Variants in PCLAF observed in about 807,000 individuals in gnomAD.
The protein encoded by PCLAF is PCNA-associated factor.
A neutral mutation model predicts 15.1 loss-of-function variants in PCLAF; 12 were observed. The ratio of observed to expected loss-of-function variants is 0.79; its 90% CI spans 0.51 to 1.29. The LOEUF (loss-of-function observed/expected upper bound fraction) is 1.29, where lower values mean the gene tolerates loss of function less well. Ranked by LOEUF, PCLAF falls within the 50% of genes most tolerant of loss-of-function variation. The pLI is 0.00. For synonymous variants in PCLAF, 33 were observed against 47.1 expected (o/e 0.70, Z 1.22); for missense variants, 116 against 130.9 (o/e 0.89, Z 0.56).
At chr15:64,367,809 A>G (rs1899110057) in intron 3 of PCLAF, among the ~76,000 whole-genome samples, 1 of 151,652 alleles carries the variant, frequency 6.6e-6, no homozygotes, top group Non-Finnish European at 1.5e-5. Flanking sequence ...TGGCCTCTCA[A>G]AGTACTGGGA....
In PCLAF at chr15:64,372,057, T is replaced by A. The variant is rs144136333; in HGVS notation, c.290+4686A>T. Among the ~76,000 whole-genome samples the A allele has an allele frequency of 4.8e-3, 714 of 148,670 alleles. 6 individuals are homozygous for A. Among genetic ancestry groups the A allele is most frequent in the African/African-American group, 0.016 (665 of 40,554 alleles). On this transcript the variant is annotated intron_variant, in intron 3 of 3. Coordinates refer to ENST00000300035, the MANE Select transcript of PCLAF (RefSeq NM_014736.6). The stretch of plus-strand genomic sequence containing the variant: ...AACCCACCTCCTGCACACAAAAAAA[T>A]CAGTTTTTAAGTTGTGAAAATTATT...
At chr15:64,373,702 T>C in intron 3 of PCLAF, 7 of 1,535,440 alleles carry the variant, frequency 4.6e-6, no homozygotes, top group Non-Finnish European at 5.2e-6. Context: ...CCTTACCCAT[T>C]TGGATCAGTG....
intron 1 of PCLAF, 112 bp downstream of exon 1, chr15:64,381,214 A>T: frequency 7.4e-7 from 1 of 1,355,360 alleles, no homozygotes; most frequent in Non-Finnish European, 1.1e-6. Flanking sequence ...CTCCCTGGCT[A>T]GCTAGATGAG....
chr15:64,380,839 A>T (rs528873475), intron 2 of PCLAF, 119 bp downstream of exon 2: 5 of 801,716 alleles, frequency 6.2e-6, no homozygotes, highest in East Asian at 5.3e-5. Context: ...CTCTCTTATT[A>T]TATCACAGGG....
upstream of PCLAF, among the ~76,000 whole-genome samples, chr15:64,386,287 C>A (rs1899934420): frequency 6.6e-6 from 1 of 151,328 alleles, no homozygotes; most frequent in African/African-American, 2.4e-5. Flanking sequence ...ATATCTACGA[C>A]AATCTAAATG....
intron 3 of PCLAF, chr15:64,373,638 C>T (rs1462532316): frequency 2.4e-5 from 37 of 1,518,346 alleles, no homozygotes; most frequent in East Asian, 1.2e-4. Context: ...GAAACCTGCA[C>T]GGGTAGGAGC....
At chr15:64,379,954 C>CAAA (rs66529552) in intron 2 of PCLAF, among the ~76,000 whole-genome samples, 1 of 151,604 alleles carries the variant, frequency 6.6e-6, no homozygotes, top group Non-Finnish European at 1.5e-5. Flanking sequence ...CAAACAAAAA[C>CAAA]AAAAACATTT....
In PCLAF at chr15:64,376,917, A is replaced by G; in HGVS notation, c.128-12T>C. On this transcript the variant is annotated splice_polypyrimidine_tract_variant and intron_variant, in intron 2 of 3. Coordinates refer to ENST00000300035, the MANE Select transcript of PCLAF (RefSeq NM_014736.6). ...ATATTTATTTTCAGCTGTAAAATAT[A>G]AACAGATGGAACTAGATAAGTGCTA... 1 of 1,610,758 alleles carries G rather than the reference A, an allele frequency of 6.2e-7. No homozygotes were observed. The highest frequency in any genetic ancestry group is 8.5e-7 in the Non-Finnish European group (1 of 1,177,834).
chr15:64,368,452 G>C (rs537038661), intron 3 of PCLAF, among the ~76,000 whole-genome samples: 1 of 152,160 alleles, frequency 6.6e-6, no homozygotes, highest in African/African-American at 2.4e-5. Context: ...CTTTGTGCAA[G>C]CGCCTGATTT....
chr15:64,373,357 T>C (rs925917983), intron 3 of PCLAF: 4 of 212,232 alleles, frequency 1.9e-5, no homozygotes, highest in East Asian at 1.0e-4. Flanking sequence ...CTCTCAAGCG[T>C]TTCTCTGTTA....
At chr15:64,386,115 T>C (rs1899930251), upstream of PCLAF, among the ~76,000 whole-genome samples, 1 of 152,088 alleles carries the variant, frequency 6.6e-6, no homozygotes, top group Non-Finnish European at 1.5e-5. Flanking sequence ...ACTGAATAAA[T>C]AAACAGGTAA....
chr15:64,382,057 C>T (rs1663119646), upstream of PCLAF, among the ~76,000 whole-genome samples: 1 of 152,048 alleles, frequency 6.6e-6, no homozygotes, highest in African/African-American at 2.4e-5. Context: ...ACTAATAAAA[C>T]GTCTTCTTGA....
upstream of PCLAF, among the ~76,000 whole-genome samples, chr15:64,383,363 G>T (rs192396032): frequency 1.2e-3 from 173 of 149,448 alleles, no homozygotes; most frequent in East Asian, 9.2e-3. Context: ...TGGTTTTTTT[G>T]TGTGTGTGTT....
intron 3 of PCLAF, among the ~76,000 whole-genome samples, chr15:64,376,111 G>C (rs1405250830): frequency 1.3e-5 from 2 of 152,252 alleles, no homozygotes; most frequent in African/African-American, 4.8e-5. Context: ...TGTAATCCCA[G>C]CTACTTGGGA....
intron 3 of PCLAF, among the ~76,000 whole-genome samples, chr15:64,366,805 T>A (rs539049031): frequency 6.6e-6 from 1 of 151,930 alleles, no homozygotes; most frequent in Non-Finnish European, 1.5e-5. Context: ...AAAACCCATC[T>A]CTACTAAAAA....
At chr15:64,378,169 G>A (rs376691317) in intron 2 of PCLAF, among the ~76,000 whole-genome samples, 83 of 152,088 alleles carry the variant, frequency 5.5e-4, no homozygotes, top group African/African-American at 1.8e-3. Context: ...CTCATGATCC[G>A]CCCGCCTTGG....
In PCLAF at chr15:64,370,739, G is replaced by C. The variant is rs558494248; in HGVS notation, c.291-4664C>G. ...TAAAAGTTTTACTTACCAGAATCAA[G>C]TCCACTTATGCTTAGGCCCAGGCTC... is the stretch of plus-strand genomic sequence containing the variant. On this transcript the variant is annotated intron_variant, in intron 3 of 3. Transcript: ENST00000300035. Among the ~76,000 whole-genome samples, 230 of 150,054 alleles carry C rather than the reference G, an allele frequency of 1.5e-3. 1 individual carries two copies. The highest frequency in any genetic ancestry group is 5.5e-3 in the African/African-American group (223 of 40,834).
At position 64,364,578 on chromosome 15, in the gene PCLAF, A is replaced by C. The variant is rs1302113780; in HGVS notation, c.*1452T>G. The C allele has an allele frequency of 6.6e-6, 1 of 152,082 alleles. No homozygotes were observed. Among genetic ancestry groups the C allele is most frequent in the Non-Finnish European group, 1.5e-5 (1 of 68,032 alleles). The allele number at this position is 152,082 out of a possible 1,614,324, so 9.4% of individuals were successfully genotyped here. A position where few individuals can be genotyped will look rare whatever the true frequency, so the allele number is the denominator to read the frequency against. On this transcript the variant is annotated 3_prime_UTR_variant, in exon 4 of 4. Transcript: ENST00000300035. ...TATTTTATGATAGCGAATCAAATGCAAATCCTAGGAAAATTTCTTTTAAGA... is the reference window on the plus strand; with the variant it reads ...TATTTTATGATAGCGAATCAAATGCCAATCCTAGGAAAATTTCTTTTAAGA...
chr15:64,369,813 G>A (rs1899205131), intron 3 of PCLAF, among the ~76,000 whole-genome samples: 1 of 151,990 alleles, frequency 6.6e-6, no homozygotes, highest in Admixed American at 6.6e-5. Flanking sequence ...TATCTAGTTT[G>A]TGTTCAATGA....
Sources: allele counts gnomAD v4.1 joint callset (sites outside exome capture counted in the v4.1 genomes callset), GRCh38; gene constraint gnomAD v4.1.1; transcripts MANE v1.5; gene names NCBI Gene and HGNC (gene_info 2026-07-23, HGNC 2026-07-21).